VMP1: variants seen among roughly 807,000 people sequenced by gnomAD.
VMP1 encodes the protein vacuole membrane protein 1, also known as ectopic P-granules autophagy protein 3 homolog.
A neutral mutation model predicts 56.0 loss-of-function variants in VMP1; 11 were observed. The observed-to-expected ratio is 0.20, with a 90% CI of 0.12 to 0.32. The LOEUF is 0.32. Among genes scored for constraint, VMP1 ranks in the 10% least tolerant of loss-of-function variants. The probability of loss-of-function intolerance (pLI) is 1.00; values close to 1 mark genes in which losing one functional copy is unlikely to be tolerated. For missense variants in VMP1, 296 were observed against 490.3 expected (o/e 0.60, Z 3.74); for synonymous variants, 149 against 165.0 (o/e 0.90, Z 0.74).
rs66605258 is a variant in VMP1 at position 59,757,859 on chromosome 17, CTTTTTT to C, written c.415-7092_415-7087del. ...AAATAAAACAGACCTTTATTTGCCA[CTTTTTT>C]TTTTTTTTTTTTTTTTTTTAAGACA... On this transcript the variant is annotated intron_variant, in intron 5 of 11. Transcript: ENST00000262291. Among the ~76,000 whole-genome samples the C allele has an allele frequency of 2.4e-4, 22 of 91,294 alleles. No individual in the cohort carries two copies. In the South Asian group the frequency reaches 3.8e-3, roughly 16 times the overall value. 59.9% of individuals were successfully genotyped at this position (91,294 alleles called of 152,430 possible).
chr17:59,789,835 C>CTTTTTTTTT lies in VMP1; in HGVS notation c.714+15964_714+15972dup, dbSNP rs754631557. Among the ~76,000 whole-genome samples, 415 of 85,974 alleles carry CTTTTTTTTT rather than the reference C, an allele frequency of 4.8e-3. 26 individuals carry two copies. The highest frequency in any genetic ancestry group is 0.036 in the East Asian group (85 of 2,378). 56.4% of individuals were successfully genotyped at this position (85,974 alleles called of 152,430 possible). A position where few individuals can be genotyped will look rare whatever the true frequency, so the allele number is the denominator to read the frequency against. On this transcript the variant is annotated intron_variant, in intron 7 of 11. Coordinates refer to ENST00000262291, the MANE Select transcript of VMP1 (RefSeq NM_030938.5). ...TTCCTTCCTTCCTTTCTTTCTTTCC[C>CTTTTTTTTT]TTTTTTTTTTTTTTTTTTTTTTGAG...
At chr17:59,801,106 ATATATATGTGTGTGTGTGTG>A (rs1330222828) in intron 7 of VMP1, among the ~76,000 whole-genome samples, 3 of 128,174 alleles carry the variant, frequency 2.3e-5, no homozygotes, top group African/African-American at 1.2e-4. Flanking sequence ...ATATATATAT[ATATATATGTGTGTGTGTGTG>A]TGTGTGTGTG....
At chr17:59,728,015 A>G (rs2034674919) in intron 1 of VMP1, among the ~76,000 whole-genome samples, 1 of 152,238 alleles carries the variant, frequency 6.6e-6, no homozygotes, top group South Asian at 2.1e-4. Context: ...ACTAATAGAA[A>G]CCTATATTTT....
chr17:59,786,106 A>T (rs1282358683), intron 7 of VMP1, among the ~76,000 whole-genome samples: 2 of 152,210 alleles, frequency 1.3e-5, no homozygotes, highest in African/African-American at 4.8e-5. Context: ...AAAACCAAAA[A>T]ACAGTTTATT....
rs1021512669 is a variant in VMP1, at chr17:59,842,059, G to A, written c.*2148G>A. On this transcript the variant is annotated 3_prime_UTR_variant, in exon 12 of 12. Transcript: ENST00000262291. ...GTTCCTGCTGGATTCCAGCTGGAGC[G>A]GTGTGATACCCTTCTTTTTCAGCTG... is the stretch of plus-strand genomic sequence containing the variant. 2 of 152,088 alleles carry A rather than the reference G, an allele frequency of 1.3e-5. No individual in the cohort carries two copies. Among genetic ancestry groups the A allele is most frequent in the Non-Finnish European group, 2.9e-5 (2 of 68,024 alleles). The allele number at this position is 152,088 out of a possible 1,614,324, so 9.4% of individuals were successfully genotyped here. A position where few individuals can be genotyped will look rare whatever the true frequency, so the allele number is the denominator to read the frequency against.
At chr17:59,720,179 A>C (rs1286337811) in intron 1 of VMP1, among the ~76,000 whole-genome samples, 1 of 152,246 alleles carries the variant, frequency 6.6e-6, no homozygotes, top group Admixed American at 6.5e-5. Flanking sequence ...ATTTACTCCT[A>C]CATCTAGGAA....
At chr17:59,734,888 T>A (rs1473056476) in intron 2 of VMP1, among the ~76,000 whole-genome samples, 2 of 149,242 alleles carry the variant, frequency 1.3e-5, no homozygotes, top group African/African-American at 4.9e-5. Context: ...CTATGCTGAG[T>A]TGGGACTGGT....
chr17:59,841,424 T>A lies in VMP1; in HGVS notation c.*1513T>A. ...CATTGTTTATAATCAGAAACTCTGG[T>A]CCTTCTGTCTGGTGGCACTTAGAGT... On this transcript the variant is annotated 3_prime_UTR_variant, in exon 12 of 12. Transcript: ENST00000262291. The A allele has an allele frequency of 2.5e-6, 1 of 392,594 alleles. No individual in the cohort carries two copies. Among genetic ancestry groups the A allele is most frequent in the South Asian group, 1.9e-5 (1 of 52,108 alleles). 24.3% of individuals were successfully genotyped at this position (392,594 alleles called of 1,614,324 possible).
chr17:59,757,930 G>A (rs2035907196), intron 5 of VMP1, among the ~76,000 whole-genome samples: 1 of 123,196 alleles, frequency 8.1e-6, no homozygotes, highest in African/African-American at 3.1e-5. Flanking sequence ...TCAGCTCACA[G>A]CAACCTTGAA....
intron 4 of VMP1, 142 bp from the exon 5 acceptor site, chr17:59,738,695 A>G (rs963328322): frequency 1.1e-5 from 6 of 565,976 alleles, no homozygotes; most frequent in Non-Finnish European, 1.5e-5. Context: ...TAAAGAAATT[A>G]GGCCTCTTCA....
chr17:59,788,941 C>T (rs1418494208), intron 7 of VMP1, among the ~76,000 whole-genome samples: 3 of 143,736 alleles, frequency 2.1e-5, no homozygotes, highest in Admixed American at 7.0e-5. Context: ...AAACTAAAGT[C>T]TTTTTTTTTT....
chr17:59,825,670 C>T (rs1309293109), intron 10 of VMP1, among the ~76,000 whole-genome samples: 2 of 152,186 alleles, frequency 1.3e-5, no homozygotes, highest in African/African-American at 4.8e-5. Context: ...GTTTCCATAA[C>T]TCAATCATTG....
At chr17:59,724,826 C>T (rs2034535646) in intron 1 of VMP1, among the ~76,000 whole-genome samples, 1 of 151,802 alleles carries the variant, frequency 6.6e-6, no homozygotes, top group Non-Finnish European at 1.5e-5. Context: ...ATTAGCCGGG[C>T]CTGGTGGCGG....
Position 59,841,198 on chromosome 17 carries a change from T to A in VMP1, c.*1287T>A. On this transcript the variant is annotated 3_prime_UTR_variant, in exon 12 of 12. Transcript: ENST00000262291. Reference sequence around the variant, plus strand: ...TGGTTTGTTTTTGTTTTTGTTTTTTTATCAAATCCTGCCTGACTGTCTGCT... The same window carrying A: ...TGGTTTGTTTTTGTTTTTGTTTTTTAATCAAATCCTGCCTGACTGTCTGCT... 2 of 418,942 alleles carry A rather than the reference T, an allele frequency of 4.8e-6. No individual in the cohort carries two copies. Among genetic ancestry groups the A allele is most frequent in the South Asian group, 1.9e-5 (1 of 52,770 alleles). The allele number at this position is 418,942 out of a possible 1,614,324, so 26.0% of individuals were successfully genotyped here.
intron 7 of VMP1, among the ~76,000 whole-genome samples, chr17:59,787,865 T>G (rs1177170868): frequency 6.6e-6 from 1 of 150,936 alleles, no homozygotes; most frequent in Non-Finnish European, 1.5e-5. Context: ...AGTGAAAACT[T>G]TTAAACTCGA....
At chr17:59,809,304 CTTTTTTTTT>C (rs57274450) in intron 8 of VMP1, among the ~76,000 whole-genome samples, 5 of 33,452 alleles carry the variant, frequency 1.5e-4, no homozygotes, top group African/African-American at 7.6e-4. Flanking sequence ...GCCCATTCAA[CTTTTTTTTT>C]TTTTTTTTTT....
chr17:59,717,211 C>T (rs1168420414), intron 1 of VMP1, among the ~76,000 whole-genome samples: 2 of 151,974 alleles, frequency 1.3e-5, no homozygotes, highest in Non-Finnish European at 2.9e-5. Flanking sequence ...ACCTCGTGAT[C>T]CGCCCGCTTC....
At chr17:59,714,375 G>A (rs550820211) in intron 1 of VMP1, among the ~76,000 whole-genome samples, 125 of 152,040 alleles carry the variant, frequency 8.2e-4, no homozygotes, top group African/African-American at 2.8e-3. Flanking sequence ...CATTCATAAG[G>A]GCAGAGCCTC....
chr17:59,793,219 T>A (rs2037305243), intron 7 of VMP1, among the ~76,000 whole-genome samples: 1 of 112,568 alleles, frequency 8.9e-6, no homozygotes, highest in African/African-American at 2.6e-5. Flanking sequence ...GGTTTCTCCA[T>A]GTTGGCCAGG....
Sources: allele counts gnomAD v4.1 joint callset (sites outside exome capture counted in the v4.1 genomes callset), GRCh38; gene constraint gnomAD v4.1.1; transcripts MANE v1.5; gene names NCBI Gene and HGNC (gene_info 2026-07-23, HGNC 2026-07-21).